Variants in SCN1A observed in about 807,000 individuals in gnomAD.
SCN1A encodes the protein sodium channel protein type 1 subunit alpha.
A neutral mutation model predicts 193.7 loss-of-function variants in SCN1A; 13 were observed. That is an observed-to-expected ratio of 0.07 (90% CI 0.04 to 0.11). The LOEUF (loss-of-function observed/expected upper bound fraction) is 0.11. Ranked by LOEUF, SCN1A falls within the 10% of genes least tolerant of loss-of-function variation. SCN1A has a pLI of 1.00. For missense variants in SCN1A, 1,432 were observed against 2,451.1 expected, an observed-to-expected ratio of 0.58 and a Z score of 8.78; for synonymous variants, 781 against 843.6, an observed-to-expected ratio of 0.93 and a Z score of 1.29.
chr2:166,069,692 T>C (rs1485725833), intron 4 of SCN1A, among the ~76,000 whole-genome samples: 2 of 152,198 alleles, frequency 1.3e-5, no homozygotes, highest in Admixed American at 6.5e-5. Context: ...GTCTATTCCA[T>C]ATAGTTGAGA....
At chr2:166,073,107 G>A (rs1363042973) in intron 4 of SCN1A, among the ~76,000 whole-genome samples, 2 of 151,948 alleles carry the variant, frequency 1.3e-5, no homozygotes, top group Non-Finnish European at 2.9e-5. Context: ...CAAAGTGCTG[G>A]GATTACAGGC....
chr2:166,014,971 G>A (rs1693083106), intron 20 of SCN1A, among the ~76,000 whole-genome samples: 1 of 151,732 alleles, frequency 6.6e-6, no homozygotes, highest in East Asian at 1.9e-4. Flanking sequence ...ATAGGGAATA[G>A]AAGAAGACTG....
rs111409924 is a variant in SCN1A, at chr2:166,025,992, ATTCT to A, written c.3429+10052_3429+10055del. Among the ~76,000 whole-genome samples the A allele has an allele frequency of 2.0e-3, 298 of 152,200 alleles. 1 individual carries two copies. The highest frequency in any genetic ancestry group is 6.8e-3 in the African/African-American group (282 of 41,542). On this transcript the variant is annotated intron_variant, in intron 19 of 28. Transcript: ENST00000674923. ...ATTTCTTAATTTTCAAATGGTTGGAATTCTTTCTATCAATTTATTATTAATTTCA... is the reference window on the plus strand; with the variant it reads ...ATTTCTTAATTTTCAAATGGTTGGAATTCTATCAATTTATTATTAATTTCA...
chr2:166,065,269 G>A (rs985829207), intron 4 of SCN1A, among the ~76,000 whole-genome samples: 12 of 152,224 alleles, frequency 7.9e-5, no homozygotes, highest in Admixed American at 3.3e-4. Flanking sequence ...CTGCTGGCTT[G>A]GAAAGAGGTT....
At chr2:166,015,998 G>A (rs1043195890) in intron 19 of SCN1A, 2 of 396,194 alleles carry the variant, frequency 5.0e-6, no homozygotes, top group African/African-American at 4.1e-5. Context: ...GCAAAACACT[G>A]CCTTGTGGAT....
intron 8 of SCN1A, 144 bp from the exon 9 acceptor site, chr2:166,052,132 G>A (rs1698644509): frequency 1.5e-6 from 1 of 667,474 alleles, no homozygotes; most frequent in Non-Finnish European, 2.6e-6. Flanking sequence ...TTCATTGAAG[G>A]GGAAGAACTT....
intron 2 of SCN1A, among the ~76,000 whole-genome samples, chr2:166,088,660 A>G (rs768765104): frequency 2.6e-5 from 4 of 152,212 alleles, no homozygotes; most frequent in South Asian, 4.1e-4. Context: ...TCCCAAATAT[A>G]TCTCACCTGC....
intron 4 of SCN1A, among the ~76,000 whole-genome samples, chr2:166,067,471 C>T (rs1253496576): frequency 1.4e-5 from 2 of 145,912 alleles, no homozygotes; most frequent in African/African-American, 2.5e-5. Context: ...ACTGACTTCT[C>T]TTTTTTTTTT....
intron 27 of SCN1A, 141 bp from the exon 28 acceptor site, chr2:165,994,557 A>G: frequency 2.9e-6 from 2 of 690,426 alleles, no homozygotes; most frequent in South Asian, 1.9e-5. Context: ...GATTTATAGC[A>G]TATTAATTGT....
chr2:166,034,621 TTTAAC>T (rs1367627913), intron 19 of SCN1A, among the ~76,000 whole-genome samples: 3 of 152,352 alleles, frequency 2.0e-5, no homozygotes, highest in South Asian at 2.1e-4. Context: ...CCATTAGACT[TTTAAC>T]TTAATATTTC....
chr2:166,139,974 A>G (rs905955511), intron 1 of SCN1A, among the ~76,000 whole-genome samples: 6 of 151,744 alleles, frequency 4.0e-5, no homozygotes, highest in African/African-American at 1.5e-4. Flanking sequence ...TAATTTTAGA[A>G]TAATAATAAT....
intron 13 of SCN1A, among the ~76,000 whole-genome samples, chr2:166,044,731 T>A (rs1340974231): frequency 2.0e-5 from 3 of 152,148 alleles, no homozygotes; most frequent in Admixed American, 2.0e-4. Context: ...ATTTTTTTTT[T>A]TCTTAAAAGT....
At chr2:166,114,575 A>C (rs572878) in intron 2 of SCN1A, among the ~76,000 whole-genome samples, 124,250 of 152,072 alleles carry the variant, frequency 0.82, 51,353 homozygotes, top group East Asian at 0.96. Context: ...AAGTTTTGGG[A>C]TCTGTTTATA....
chr2:166,042,298 C>T lies in SCN1A; in HGVS notation c.2170G>A (p.Val724Ile), dbSNP rs771260698. 3.1e-6 allele frequency: 5 copies of T among 1,613,612 alleles called. No individual in the cohort carries two copies. Among genetic ancestry groups the T allele is most frequent in the Non-Finnish European group, 4.2e-6 (5 of 1,179,728 alleles). ...AATAGAATTTGTTACCAACCTTCTACTGTATTTGTTAGAATGCTGGCTATA... is the reference window on the plus strand; with the variant it reads ...AATAGAATTTGTTACCAACCTTCTATTGTATTTGTTAGAATGCTGGCTATA... ...MSIASILTNT[V>I]EELEESRQKC... Residue 724 changes from valine (V) to isoleucine (I), a missense_variant, in exon 15 of 29, where the codon GTA (valine) becomes ATA (isoleucine). This residue lies in a region of SCN1A where 316 missense variants were observed against 362.1 expected (regional missense o/e 0.87). Transcript: ENST00000674923.
intron 2 of SCN1A, among the ~76,000 whole-genome samples, chr2:166,093,064 C>T (rs1026638259): frequency 2.6e-5 from 4 of 151,802 alleles, no homozygotes; most frequent in African/African-American, 9.7e-5. Context: ...AATTTGCTTT[C>T]TGGGTGATGT....
chr2:166,122,589 G>A (rs1375318661), intron 2 of SCN1A, among the ~76,000 whole-genome samples: 3 of 151,926 alleles, frequency 2.0e-5, no homozygotes, highest in South Asian at 2.1e-4. Flanking sequence ...AATCATAAAC[G>A]CATGGACAAC....
At chr2:166,023,134 T>C (rs1319771619) in intron 19 of SCN1A, among the ~76,000 whole-genome samples, 3 of 152,266 alleles carry the variant, frequency 2.0e-5, no homozygotes, top group Non-Finnish European at 2.9e-5. Flanking sequence ...TTGGTCATTT[T>C]ATTTGCATAT....
rs71393699 is a variant in SCN1A at position 166,001,879 on chromosome 2, CTTTTTTTT to C, written c.4284+585_4284+592del. Among the ~76,000 whole-genome samples the C allele has an allele frequency of 2.4e-4, 11 of 46,404 alleles. No individual in the cohort carries two copies. In the South Asian group the frequency reaches 4.0e-3, roughly 17 times the overall value. The allele number at this position is 46,404 out of a possible 152,430, so 30.4% of individuals were successfully genotyped here. The stretch of plus-strand genomic sequence containing the variant: ...GTTGCTTCCAGGTATAATTCTCTCT[CTTTTTTTT>C]TTTTTTTTTTTTTTTTTTTAGATGG... On this transcript the variant is annotated intron_variant, in intron 24 of 28. Transcript: ENST00000674923.
rs7577411 is a variant in SCN1A at position 165,989,284 on chromosome 2, G to A, written c.*1961C>T. 0.081 allele frequency: 12,298 copies of A among 152,414 alleles called. 1,088 individuals are homozygous for A. The highest frequency in any genetic ancestry group is 0.21 in the African/African-American group (8,540 of 41,416). The allele number at this position is 152,414 out of a possible 1,614,324, so 9.4% of individuals were successfully genotyped here. On this transcript the variant is annotated 3_prime_UTR_variant, in exon 29 of 29. Coordinates refer to ENST00000674923, the MANE Select transcript of SCN1A (RefSeq NM_001165963.4). ...TACAGTTTATCTAAGTAGTTTTAAG[G>A]AAAAGAGGAGCCTATGGTTTGCTTC...
Sources: gnomAD v4.1 joint callset for allele counts (sites outside exome capture counted in the v4.1 genomes callset) on GRCh38, gnomAD v4.1.1 for gene constraint, gnomAD v4.1.1 regional missense constraint, MANE v1.5 for transcripts, NCBI Gene and HGNC (gene_info 2026-07-23, HGNC 2026-07-21) for gene names.